Variants in COBL observed in about 807,000 individuals in gnomAD.
COBL encodes cordon-bleu WH2 repeat protein.
In COBL, 51 loss-of-function variants were observed where a neutral mutation model predicts 98.8. That is an observed-to-expected ratio of 0.52 (90% CI 0.41 to 0.65). COBL has a LOEUF of 0.65. COBL is among the 30% of genes least tolerant of loss of function. The pLI is 0.00. For synonymous variants in COBL, 634 were observed against 651.7 expected, an observed-to-expected ratio of 0.97 and a Z score of 0.41; for missense variants, 1,617 against 1,617.5, an observed-to-expected ratio of 1.00 and a Z score of 0.01.
chr7:51,178,692 T>C (rs1584071193), intron 5 of COBL, among the ~76,000 whole-genome samples: 1 of 152,076 alleles, frequency 6.6e-6, no homozygotes, highest in East Asian at 1.9e-4. Context: ...CACTGCAACC[T>C]CCGCCCCCTG....
At chr7:51,178,169 C>T (rs192283723) in intron 5 of COBL, among the ~76,000 whole-genome samples, 1 of 151,392 alleles carries the variant, frequency 6.6e-6, no homozygotes, top group Non-Finnish European at 1.5e-5. Flanking sequence ...TCTCTCTCTC[C>T]CTCTCTCTCT....
intron 5 of COBL, among the ~76,000 whole-genome samples, chr7:51,149,374 G>C (rs556115425): frequency 1.3e-5 from 2 of 152,192 alleles, no homozygotes; most frequent in East Asian, 3.9e-4. Context: ...TTCTTCAAGG[G>C]CCATGTGTTC....
At chr7:51,109,185 T>A (rs116453273) in intron 6 of COBL, among the ~76,000 whole-genome samples, 1,669 of 152,278 alleles carry the variant, frequency 0.011, 29 homozygotes, top group African/African-American at 0.039. Flanking sequence ...CTGCTCCCCA[T>A]CCTGGGCATG....
chr7:51,261,521 T>G (rs114010506), intron 1 of COBL, among the ~76,000 whole-genome samples: 8 of 152,284 alleles, frequency 5.3e-5, no homozygotes, highest in South Asian at 2.1e-4. Flanking sequence ...AATGGTGATT[T>G]CGTCTGAGCT....
chr7:51,242,433 C>T (rs1795878635), intron 1 of COBL, among the ~76,000 whole-genome samples: 1 of 152,152 alleles, frequency 6.6e-6, no homozygotes, highest in South Asian at 2.1e-4. Flanking sequence ...TGCATTTTGT[C>T]CAATTCTTTG....
At chr7:51,101,621 T>A (rs185043835) in intron 6 of COBL, among the ~76,000 whole-genome samples, 1 of 152,330 alleles carries the variant, frequency 6.6e-6, no homozygotes, top group Admixed American at 6.5e-5. Flanking sequence ...TGGAAATGTT[T>A]ATTTTTATGA....
At chr7:51,267,051 A>G (rs909549789) in intron 1 of COBL, among the ~76,000 whole-genome samples, 25 of 151,998 alleles carry the variant, frequency 1.6e-4, no homozygotes, top group Non-Finnish European at 2.9e-5. Flanking sequence ...ATACCCTCTC[A>G]ATTTTTAGAA....
chr7:51,117,277 CT>C (rs1797358352), intron 6 of COBL, among the ~76,000 whole-genome samples: 1 of 151,746 alleles, frequency 6.6e-6, no homozygotes, highest in Middle Eastern at 3.2e-3. Flanking sequence ...ACTTTTGGCC[CT>C]TGTTTTTTCA....
At position 51,205,562 on chromosome 7, in the gene COBL, A is replaced by T. The variant is rs116703917; in HGVS notation, c.246-11973T>A. ...TAAATATAAGATTTGAAGCCATAAA[A>T]CTGTGAGAAGAAAACACAGGAAAAA... is the stretch of plus-strand genomic sequence containing the variant. On this transcript the variant is annotated intron_variant, in intron 2 of 12. Transcript: ENST00000265136. 2.3e-3 allele frequency among the ~76,000 whole-genome samples: 349 copies of T among 151,656 alleles called. 1 individual carries two copies. The highest frequency in any genetic ancestry group is 7.7e-3 in the African/African-American group (320 of 41,442).
chr7:51,068,202 T>C (rs1485932746), intron 7 of COBL, among the ~76,000 whole-genome samples: 1 of 152,226 alleles, frequency 6.6e-6, no homozygotes, highest in Non-Finnish European at 1.5e-5. Flanking sequence ...GTGGAGAAAT[T>C]ACCTTTGTTT....
rs796284630 is a variant in COBL at position 51,156,515 on chromosome 7, C to T, written c.784-20184G>A. 1.6e-5 allele frequency: 16 copies of T among 984,978 alleles called. No homozygotes were observed. The African/African-American group carries it at 2.6e-4, about 16-fold the overall frequency. 61.0% of individuals were successfully genotyped at this position (984,978 alleles called of 1,614,324 possible). On this transcript the variant is annotated intron_variant, in intron 5 of 12. Coordinates refer to ENST00000265136, the MANE Select transcript of COBL (RefSeq NM_015198.5). Reference sequence around the variant, plus strand: ...TGTCATTCAAAGGAGTTACGCTCACCATATAATTACAGATCCAGAATATAT... The same window carrying T: ...TGTCATTCAAAGGAGTTACGCTCACTATATAATTACAGATCCAGAATATAT...
chr7:51,201,290 G>T (rs984575527), intron 2 of COBL, among the ~76,000 whole-genome samples: 1 of 151,182 alleles, frequency 6.6e-6, no homozygotes, highest in African/African-American at 2.4e-5. Flanking sequence ...AAGGAGAGCA[G>T]GGGTAGCTAT....
At chr7:51,198,151 T>C (rs890243044) in intron 2 of COBL, among the ~76,000 whole-genome samples, 2 of 152,316 alleles carry the variant, frequency 1.3e-5, no homozygotes, top group South Asian at 2.1e-4. Context: ...TAATGGTGTT[T>C]CCTTTCCATA....
chr7:51,254,388 T>A (rs372428603), intron 1 of COBL, among the ~76,000 whole-genome samples: 1 of 152,200 alleles, frequency 6.6e-6, no homozygotes, highest in African/African-American at 2.4e-5. Flanking sequence ...GAGTCCTACA[T>A]ATAGACTTGT....
chr7:51,215,733 C>T (rs1033160783), intron 2 of COBL, among the ~76,000 whole-genome samples: 1 of 152,256 alleles, frequency 6.6e-6, no homozygotes, highest in Non-Finnish European at 1.5e-5. Context: ...GCCAGGACCT[C>T]ACATCCAAGA....
chr7:51,160,666 T>G (rs954924008), intron 5 of COBL, among the ~76,000 whole-genome samples: 4 of 152,154 alleles, frequency 2.6e-5, no homozygotes, highest in Non-Finnish European at 5.9e-5. Flanking sequence ...GACAAGGCTC[T>G]AAGAGGTCAC....
At chr7:51,153,331 TCTAG>T (rs1734744571) in intron 5 of COBL, among the ~76,000 whole-genome samples, 1 of 152,228 alleles carries the variant, frequency 6.6e-6, no homozygotes, top group Admixed American at 6.5e-5. Flanking sequence ...ATTAAAGATA[TCTAG>T]CTAATAATTA....
rs71018490 is a variant in COBL, at chr7:51,018,905, A to AAT, written c.3769-1339_3769-1338dup. ...AAACTCCATCTCAAAAAAAAAAAAA[A>AAT]ATATATATATATATATATATATATA... On this transcript the variant is annotated intron_variant, in intron 12 of 12. Coordinates refer to ENST00000265136, the MANE Select transcript of COBL (RefSeq NM_015198.5). Among the ~76,000 whole-genome samples, 274 of 34,306 alleles carry AAT rather than the reference A, an allele frequency of 8.0e-3. 2 individuals are homozygous for AAT. Among genetic ancestry groups the AAT allele is most frequent in the Non-Finnish European group, 9.5e-3 (178 of 18,712 alleles). The allele number at this position is 34,306 out of a possible 152,430, so 22.5% of individuals were successfully genotyped here.
chr7:51,293,041 T>C (rs531447675), intron 1 of COBL, among the ~76,000 whole-genome samples: 1 of 152,342 alleles, frequency 6.6e-6, no homozygotes, highest in East Asian at 1.9e-4. Flanking sequence ...CACACTAGAA[T>C]GGTGAAAATT....
Sources: gnomAD v4.1 joint callset for allele counts (sites outside exome capture counted in the v4.1 genomes callset) on GRCh38, gnomAD v4.1.1 for gene constraint, MANE v1.5 for transcripts, NCBI Gene and HGNC (gene_info 2026-07-23, HGNC 2026-07-21) for gene names.